Variants in CSMD2 observed in about 807,000 individuals in gnomAD.
CSMD2 encodes the protein CUB and Sushi multiple domains 2, also known as CUB and sushi domain-containing protein 2.
In CSMD2, 130 loss-of-function variants were observed where a neutral mutation model predicts 398.5. The observed-to-expected ratio is 0.33, with a 90% CI of 0.28 to 0.38. The LOEUF is 0.38. Among genes scored for constraint, CSMD2 ranks in the 10% least tolerant of loss-of-function variants. CSMD2 has a pLI of 1.00. For missense variants in CSMD2, 3,829 were observed against 4,764.9 expected (o/e 0.80, Z 5.78); for synonymous variants, 1,828 against 1,908.5 (o/e 0.96, Z 1.10).
intron 5 of CSMD2, among the ~76,000 whole-genome samples, chr1:33,869,690 T>C (rs1356321488): frequency 1.3e-5 from 2 of 152,330 alleles, no homozygotes; most frequent in East Asian, 3.9e-4. Flanking sequence ...ATTCTCCTTC[T>C]TGTAGCCCCT....
At chr1:34,118,818 G>A (rs1661866754) in intron 1 of CSMD2, among the ~76,000 whole-genome samples, 1 of 152,166 alleles carries the variant, frequency 6.6e-6, no homozygotes, top group Admixed American at 6.5e-5. Flanking sequence ...TCCATGAGTT[G>A]GAAGACTTAA....
At chr1:33,852,465 C>T (rs1638781510) in intron 5 of CSMD2, among the ~76,000 whole-genome samples, 1 of 152,220 alleles carries the variant, frequency 6.6e-6, no homozygotes, top group Admixed American at 6.5e-5. Context: ...TTTCGTGTCT[C>T]CAGACCTTTG....
chr1:33,675,675 A>G (rs1644684421), intron 25 of CSMD2, among the ~76,000 whole-genome samples: 1 of 152,348 alleles, frequency 6.6e-6, no homozygotes, highest in Non-Finnish European at 1.5e-5. Context: ...TTTTAGACCA[A>G]TATCCTTGAT....
chr1:33,911,223 A>G (rs1643427067), intron 5 of CSMD2, among the ~76,000 whole-genome samples: 1 of 152,216 alleles, frequency 6.6e-6, no homozygotes, highest in African/African-American at 2.4e-5. Flanking sequence ...AAATAGGGGA[A>G]AAGTAACAAA....
Position 33,924,968 on chromosome 1 carries a change from G to A in CSMD2, c.713-6667C>T, listed in dbSNP as rs1366054154. Among the ~76,000 whole-genome samples, 4 of 152,110 alleles carry A rather than the reference G, an allele frequency of 2.6e-5. No homozygotes were observed. In the East Asian group the frequency reaches 7.7e-4, roughly 29 times the overall value. ...ACATTAGTCCCCTCTCAGATGAATA[G>A]CTTGCAAATATTTTCTCGTCTTTAA... On this transcript the variant is annotated intron_variant, in intron 4 of 70. Coordinates refer to ENST00000373381, the MANE Select transcript of CSMD2 (RefSeq NM_001281956.2).
chr1:33,831,268 T>C (rs9725497), intron 6 of CSMD2, among the ~76,000 whole-genome samples: 119,450 of 152,004 alleles, frequency 0.79, 47,780 homozygotes, highest in East Asian at 0.94. Flanking sequence ...AGAGAAAGGT[T>C]AGGTTACCCA....
At chr1:33,935,134 C>T (rs1353707221) in intron 4 of CSMD2, among the ~76,000 whole-genome samples, 1 of 150,934 alleles carries the variant, frequency 6.6e-6, no homozygotes, top group Non-Finnish European at 1.5e-5. Flanking sequence ...GTCTCTGTTG[C>T]CTGAAACTGA....
chr1:33,616,799 T>C lies in CSMD2; in HGVS notation c.6016+107A>G, dbSNP rs1570957006. 16 of 817,992 alleles carry C rather than the reference T, an allele frequency of 2.0e-5. No individual in the cohort carries two copies. The East Asian group carries it at 3.9e-4, about 20-fold the overall frequency. 50.7% of individuals were successfully genotyped at this position (817,992 alleles called of 1,614,324 possible). On this transcript the variant is annotated intron_variant, in intron 39 of 70. Transcript: ENST00000373381. ...TGACTGACTTGGAACAAATCCAGAA[T>C]ATCAAACTTTCTTCTGATTTGAACT...
At chr1:34,130,927 C>T (rs534226410) in intron 1 of CSMD2, among the ~76,000 whole-genome samples, 1 of 152,060 alleles carries the variant, frequency 6.6e-6, no homozygotes, top group South Asian at 2.1e-4. Flanking sequence ...CCATCCTATC[C>T]AGGAATCAAG....
chr1:34,005,346 G>C (rs1647024105), intron 3 of CSMD2, among the ~76,000 whole-genome samples: 1 of 152,196 alleles, frequency 6.6e-6, no homozygotes, highest in Non-Finnish European at 1.5e-5. Context: ...CTATGGGAGA[G>C]GATTAGGTGG....
At chr1:33,831,793 C>G (rs1659600994) in intron 6 of CSMD2, among the ~76,000 whole-genome samples, 1 of 151,248 alleles carries the variant, frequency 6.6e-6, no homozygotes, top group African/African-American at 2.4e-5. Context: ...CACACATAGG[C>G]TCAAAATAAA....
intron 12 of CSMD2, 21 bp downstream of exon 12, chr1:33,788,579 T>C (rs1653838703): frequency 4.4e-6 from 6 of 1,368,730 alleles, no homozygotes; most frequent in Non-Finnish European, 6.3e-6. Flanking sequence ...ACAGTTCATC[T>C]GGCTTGCCAA....
At chr1:33,548,989 G>A (rs1199058637) in intron 56 of CSMD2, among the ~76,000 whole-genome samples, 1 of 152,220 alleles carries the variant, frequency 6.6e-6, no homozygotes. Flanking sequence ...TAATAGGGGT[G>A]AGAGGCCAAA....
At chr1:33,849,161 A>G (rs554897723) in intron 5 of CSMD2, among the ~76,000 whole-genome samples, 2 of 152,332 alleles carry the variant, frequency 1.3e-5, no homozygotes, top group African/African-American at 4.8e-5. Context: ...TGTGTTGCCC[A>G]TGCAGCTTTA....
intron 6 of CSMD2, among the ~76,000 whole-genome samples, chr1:33,837,041 G>T (rs1475958491): frequency 6.6e-6 from 1 of 152,204 alleles, no homozygotes. Context: ...ATCACTTCCA[G>T]ATGCTGGGGT....
intron 1 of CSMD2, among the ~76,000 whole-genome samples, chr1:34,106,162 C>T (rs1323037884): frequency 6.6e-6 from 1 of 152,068 alleles, no homozygotes; most frequent in Admixed American, 6.6e-5. Context: ...AAGGAGTTCA[C>T]AGTGGATTGT....
intron 51 of CSMD2, among the ~76,000 whole-genome samples, chr1:33,569,934 T>G (rs543996128): frequency 1.3e-5 from 2 of 152,282 alleles, no homozygotes; most frequent in African/African-American, 4.8e-5. Flanking sequence ...CTTGCCCTTC[T>G]TTTCTGAGCC....
At chr1:33,974,442 G>T (rs1645886209) in intron 3 of CSMD2, among the ~76,000 whole-genome samples, 1 of 152,230 alleles carries the variant, frequency 6.6e-6, no homozygotes, top group Non-Finnish European at 1.5e-5. Context: ...AGCCAGTCAG[G>T]CTGTCTGTCC....
Position 33,726,563 on chromosome 1 carries a change from T to G in CSMD2, c.2491A>C (p.Lys831Gln). Reference protein sequence around the residue: ...VIEAQPGYPIKITFDRFKTEV... With the variant: ...VIEAQPGYPIQITFDRFKTEV... ...CACAAGCACCTGTCGAAGGTGATTT[T>G]GATGGGGTAGCCTGGCTGGGCCTCA... Residue 831 changes from lysine (K) to glutamine (Q), a missense_variant, in exon 16 of 71, where the codon AAA becomes CAA. Physicochemically the swap from Lys to Gln is moderately conservative, Grantham distance 53. Coordinates refer to ENST00000373381, the MANE Select transcript of CSMD2 (RefSeq NM_001281956.2). The G allele has an allele frequency of 6.2e-7, 1 of 1,610,952 alleles. No homozygotes were observed. The highest frequency in any genetic ancestry group is 1.1e-5 in the South Asian group (1 of 90,640).
Sources: gnomAD v4.1 joint callset for allele counts (sites outside exome capture counted in the v4.1 genomes callset) on GRCh38, gnomAD v4.1.1 for gene constraint, MANE v1.5 for transcripts, NCBI Gene and HGNC (gene_info 2026-07-23, HGNC 2026-07-21) for gene names.